MYO3A: variants seen among roughly 807,000 people sequenced by gnomAD.
The protein encoded by MYO3A is myosin IIIA.
A neutral mutation model predicts 192.7 loss-of-function variants in MYO3A; 180 were observed. That is an observed-to-expected ratio of 0.93 (90% CI 0.83 to 1.06). The LOEUF (loss-of-function observed/expected upper bound fraction) is 1.06. Among genes scored for constraint, MYO3A ranks in the 50% least tolerant of loss-of-function variants. The pLI, the probability that MYO3A is intolerant of heterozygous loss-of-function variation, is 0.00. For missense variants in MYO3A, 1,896 were observed against 1,905.0 expected, an observed-to-expected ratio of 1.00 and a Z score of 0.09; for synonymous variants, 628 against 645.3, an observed-to-expected ratio of 0.97 and a Z score of 0.41.
chr10:26,147,327 A>AGT, intron 22 of MYO3A, 103 bp from the exon 23 acceptor site: 1 of 1,221,390 alleles, frequency 8.2e-7, no homozygotes, highest in South Asian at 1.2e-5. Context: ...CTGAACATAG[A>AGT]GTAAGCTCAT....
At chr10:26,177,795 C>A (rs1010630147) in intron 31 of MYO3A, among the ~76,000 whole-genome samples, 1 of 152,224 alleles carries the variant, frequency 6.6e-6, no homozygotes, top group African/African-American at 2.4e-5. Flanking sequence ...AGCCACTGAC[C>A]TCATGCAACT....
At chr10:26,123,510 C>G (rs1839001620) in intron 18 of MYO3A, among the ~76,000 whole-genome samples, 1 of 152,160 alleles carries the variant, frequency 6.6e-6, no homozygotes, top group Admixed American at 6.5e-5. Context: ...ATCAAATTGG[C>G]TATTTTAGAA....
chr10:25,996,426 T>C (rs2130899910), intron 4 of MYO3A, 64 bp from the exon 5 acceptor site: 1 of 1,413,110 alleles, frequency 7.1e-7, no homozygotes, highest in East Asian at 2.3e-5. Flanking sequence ...TTGGAAGAAC[T>C]TTTCTAGAAA....
intron 10 of MYO3A, among the ~76,000 whole-genome samples, chr10:26,049,739 C>T (rs932143862): frequency 6.0e-5 from 8 of 134,086 alleles, no homozygotes; most frequent in East Asian, 4.4e-4. Context: ...AGTGCAGTGG[C>T]GCAATCTCAG....
intron 10 of MYO3A, among the ~76,000 whole-genome samples, chr10:26,038,730 T>C: frequency 6.6e-6 from 1 of 152,194 alleles, no homozygotes; most frequent in East Asian, 1.9e-4. Flanking sequence ...TTATGTTGAA[T>C]AACAGTAGGC....
chr10:26,191,256 G>A (rs566958350), intron 31 of MYO3A, among the ~76,000 whole-genome samples: 2 of 152,198 alleles, frequency 1.3e-5, no homozygotes, highest in South Asian at 4.2e-4. Flanking sequence ...AGGATAATGA[G>A]AAGGAAAAAA....
rs371226627 is a variant in MYO3A, at chr10:26,170,457, G to A, written c.3316G>A (p.Val1106Ile). ...HLVRKQRKEIVDMKNTAVTTI... is the reference protein window; with the variant it reads ...HLVRKQRKEIIDMKNTAVTTI... Reference sequence around the variant, plus strand: ...TGTCAGGAAACAAAGAAAAGAAATTGTTGACATGAAAAACACAGCAGTAAC... The same window carrying A: ...TGTCAGGAAACAAAGAAAAGAAATTATTGACATGAAAAACACAGCAGTAAC... Residue 1106 changes from valine to isoleucine, a missense_variant, in exon 29 of 35, where the codon GTT becomes ATT. Coordinates refer to ENST00000642920, the MANE Select transcript of MYO3A (RefSeq NM_017433.5). The A allele has an allele frequency of 1.3e-5, 21 of 1,613,572 alleles. No homozygotes were observed. The African/African-American group carries it at 1.5e-4, about 11-fold the overall frequency.
chr10:26,206,252 G>T (rs1843934357), intron 34 of MYO3A, among the ~76,000 whole-genome samples: 1 of 150,884 alleles, frequency 6.6e-6, no homozygotes, highest in African/African-American at 2.4e-5. Context: ...GTAGAGACGG[G>T]GTTTCACCAT....
rs542156107 is a variant in MYO3A, at chr10:26,002,656, A to G, written c.508+5398A>G. 2.0e-5 allele frequency among the ~76,000 whole-genome samples: 3 copies of G among 152,174 alleles called. 1 individual carries two copies. The East Asian group carries it at 5.8e-4, about 29-fold the overall frequency. On this transcript the variant is annotated intron_variant, in intron 6 of 34. Coordinates refer to ENST00000642920, the MANE Select transcript of MYO3A (RefSeq NM_017433.5). ...CGGAATGAGTCAGGGTGGACCAGGT[A>G]ATCGGAATGAGTCAGGGTGGAGCAG...
At chr10:26,031,840 T>C (rs1842814527) in intron 10 of MYO3A, among the ~76,000 whole-genome samples, 1 of 152,232 alleles carries the variant, frequency 6.6e-6, no homozygotes, top group South Asian at 2.1e-4. Flanking sequence ...CTTTATTTTA[T>C]ATATCTTGAA....
At chr10:26,119,470 T>C (rs1230872070) in intron 17 of MYO3A, among the ~76,000 whole-genome samples, 2 of 152,172 alleles carry the variant, frequency 1.3e-5, no homozygotes, top group African/African-American at 4.8e-5. Flanking sequence ...TCAACAAATA[T>C]ATTTGTTGTT....
chr10:26,132,627 A>T (rs1226132925), intron 20 of MYO3A, among the ~76,000 whole-genome samples: 4 of 151,804 alleles, frequency 2.6e-5, no homozygotes, highest in Non-Finnish European at 5.9e-5. Context: ...AGCTTTCTTC[A>T]TCCATTAGAG....
At chr10:26,053,254 T>C (rs72795834) in intron 10 of MYO3A, among the ~76,000 whole-genome samples, 24,740 of 152,182 alleles carry the variant, frequency 0.16, 2,303 homozygotes, top group Non-Finnish European at 0.21. Flanking sequence ...TGTCTTAGAA[T>C]ATTTAATTTG....
intron 6 of MYO3A, among the ~76,000 whole-genome samples, chr10:26,009,017 A>G (rs61848906): frequency 0.088 from 13,166 of 150,116 alleles, 1,082 homozygotes; most frequent in African/African-American, 0.21. Context: ...AGAAAATGTG[A>G]CACATATACA....
Position 26,069,969 on chromosome 10 carries a change from C to T in MYO3A, c.1171-142C>T, listed in dbSNP as rs1466038757. 6 of 638,232 alleles carry T rather than the reference C, an allele frequency of 9.4e-6. No homozygotes were observed. The African/African-American group carries it at 1.1e-4, about 12-fold the overall frequency. 39.5% of individuals were successfully genotyped at this position (638,232 alleles called of 1,614,324 possible). A position where few individuals can be genotyped will look rare whatever the true frequency, so the allele number is the denominator to read the frequency against. ...AGATATATGTGCAATATGTGTGTAA[C>T]ATGTATGTAATAATGTTTTGGTGGA... On this transcript the variant is annotated intron_variant, in intron 12 of 34. Coordinates refer to ENST00000642920, the MANE Select transcript of MYO3A (RefSeq NM_017433.5).
At chr10:25,994,222 G>A (rs1840266852) in intron 4 of MYO3A, among the ~76,000 whole-genome samples, 1 of 151,862 alleles carries the variant, frequency 6.6e-6, no homozygotes, top group Admixed American at 6.5e-5. Flanking sequence ...ATATATTTAG[G>A]ATAGTTAGCT....
chr10:26,097,495 T>C (rs1056294168), intron 17 of MYO3A, among the ~76,000 whole-genome samples: 21 of 152,242 alleles, frequency 1.4e-4, no homozygotes, highest in African/African-American at 4.3e-4. Context: ...CATTAACTCG[T>C]CATTTACATT....
intron 17 of MYO3A, among the ~76,000 whole-genome samples, chr10:26,102,212 G>A (rs144755931): frequency 0.061 from 9,311 of 152,158 alleles, 370 homozygotes; most frequent in Non-Finnish European, 0.089. Flanking sequence ...TTTTGCATGC[G>A]TCACATAGTT....
At chr10:26,027,403 G>T (rs149015521) in intron 10 of MYO3A, among the ~76,000 whole-genome samples, 2,279 of 152,080 alleles carry the variant, frequency 0.015, 70 homozygotes, top group African/African-American at 0.052. Flanking sequence ...GGAGTGCAGT[G>T]GTGCCATCTC....
Sources: allele counts gnomAD v4.1 joint callset (sites outside exome capture counted in the v4.1 genomes callset), GRCh38; gene constraint gnomAD v4.1.1; transcripts MANE v1.5; gene names NCBI Gene and HGNC (gene_info 2026-07-23, HGNC 2026-07-21).